SMOC2: variants seen among roughly 807,000 people sequenced by gnomAD.
The protein encoded by SMOC2 is SPARC related modular calcium binding 2.
SMOC2 carries 39 observed loss-of-function variants against 61.4 expected under a neutral mutation model. The observed-to-expected ratio is 0.64, with a 90% confidence interval of 0.49 to 0.83. SMOC2 has a LOEUF of 0.83. Ranked by LOEUF, SMOC2 falls within the 40% of genes least tolerant of loss-of-function variation. The pLI is 0.00. For missense variants in SMOC2, 556 were observed against 592.9 expected (o/e 0.94, Z 0.65); for synonymous variants, 247 against 239.9 (o/e 1.03, Z -0.27).
intron 7 of SMOC2, among the ~76,000 whole-genome samples, chr6:168,588,192 C>T (rs1266985013): frequency 3.4e-5 from 5 of 145,402 alleles, no homozygotes; most frequent in East Asian, 2.0e-4. Flanking sequence ...GGCATGATCT[C>T]GGCTCACTGT....
At chr6:168,505,202 T>C (rs1332079402) in intron 1 of SMOC2, among the ~76,000 whole-genome samples, 2 of 117,298 alleles carry the variant, frequency 1.7e-5, no homozygotes, top group African/African-American at 6.6e-5. Flanking sequence ...AGATGCTGGA[T>C]GAATGACTGA....
At chr6:168,580,480 A>G (rs1179289570) in intron 7 of SMOC2, among the ~76,000 whole-genome samples, 2 of 152,154 alleles carry the variant, frequency 1.3e-5, no homozygotes, top group African/African-American at 4.8e-5. Context: ...TGTGATCTTG[A>G]GGAAGACAGC....
intron 7 of SMOC2, among the ~76,000 whole-genome samples, chr6:168,559,711 T>C (rs552747970): frequency 3.5e-4 from 54 of 152,276 alleles, no homozygotes; most frequent in African/African-American, 1.3e-3. Flanking sequence ...AACCGCACCT[T>C]GTTCTATCAA....
chr6:168,592,388 C>G (rs370213600), intron 7 of SMOC2, among the ~76,000 whole-genome samples: 1,701 of 78,472 alleles, frequency 0.022, 17 homozygotes, highest in Admixed American at 0.029. Flanking sequence ...TCTAGAGGAT[C>G]TCCGAGCTCC....
intron 1 of SMOC2, among the ~76,000 whole-genome samples, chr6:168,500,270 G>T (rs1782692691): frequency 8.1e-6 from 1 of 123,724 alleles, no homozygotes; most frequent in Non-Finnish European, 1.6e-5. Context: ...CCGGATGACA[G>T]AGTGAAACTC....
intron 9 of SMOC2, among the ~76,000 whole-genome samples, chr6:168,619,267 C>T (rs1359500644): frequency 1.3e-5 from 2 of 152,094 alleles, no homozygotes; most frequent in Non-Finnish European, 1.5e-5. Flanking sequence ...GCCAGTTTAG[C>T]CTGCGTTACT....
intron 9 of SMOC2, among the ~76,000 whole-genome samples, chr6:168,615,871 C>T (rs1263581733): frequency 4.0e-5 from 6 of 150,816 alleles, no homozygotes; most frequent in East Asian, 1.9e-4. Flanking sequence ...TTTTCAGACA[C>T]GATTTTAGCA....
chr6:168,617,570 G>A (rs112689205), intron 9 of SMOC2, among the ~76,000 whole-genome samples: 5 of 152,286 alleles, frequency 3.3e-5, no homozygotes, highest in South Asian at 4.1e-4. Flanking sequence ...ACTCACATCC[G>A]CTTGGACAAG....
rs938545646 is a variant in SMOC2 at position 168,475,552 on chromosome 6, G to A, written c.84+34098G>A. On this transcript the variant is annotated intron_variant, in intron 1 of 12. Transcript: ENST00000356284. The surrounding 1 kb of genome is among the most constrained non-coding windows in gnomAD (Gnocchi z 4.6). ...CTGGGGAGAGGAGGCCATGGCCAGC[G>A]TTGCCTTGGGGGACAGGGCATGAAG... Among the ~76,000 whole-genome samples, 23 of 152,190 alleles carry A rather than the reference G, an allele frequency of 1.5e-4. No homozygotes were observed. The highest frequency in any genetic ancestry group is 3.9e-4 in the Admixed American group (6 of 15,302).
At chr6:168,556,204 G>C (rs1562345237) in intron 7 of SMOC2, among the ~76,000 whole-genome samples, 1 of 152,190 alleles carries the variant, frequency 6.6e-6, no homozygotes, top group Non-Finnish European at 1.5e-5. Flanking sequence ...CCAGCTCCGA[G>C]GGCGTCCGTG....
chr6:168,628,964 A>T (rs1411854501), intron 9 of SMOC2, among the ~76,000 whole-genome samples: 2 of 152,194 alleles, frequency 1.3e-5, no homozygotes, highest in African/African-American at 4.8e-5. Flanking sequence ...GGGGCCCGGG[A>T]CATGGGCTGC....
intron 7 of SMOC2, among the ~76,000 whole-genome samples, chr6:168,556,411 C>A (rs572379329): frequency 6.6e-6 from 1 of 152,272 alleles, no homozygotes; most frequent in South Asian, 2.1e-4. Flanking sequence ...CTGCGGCCCC[C>A]GCACCTCCCC....
intron 1 of SMOC2, among the ~76,000 whole-genome samples, chr6:168,499,437 G>A (rs909921691): frequency 6.6e-6 from 1 of 152,212 alleles, no homozygotes; most frequent in Non-Finnish European, 1.5e-5. Context: ...TATCAGTAAA[G>A]GTCGGAGTTT....
chr6:168,566,876 C>T (rs942764042), intron 7 of SMOC2, among the ~76,000 whole-genome samples: 2 of 152,114 alleles, frequency 1.3e-5, no homozygotes, highest in African/African-American at 4.8e-5. Context: ...ATACTTGAAA[C>T]ACACAGCAGT....
At chr6:168,505,197 CTGGATGAATGA>C (rs1782841445) in intron 1 of SMOC2, among the ~76,000 whole-genome samples, 1 of 118,678 alleles carries the variant, frequency 8.4e-6, no homozygotes, top group African/African-American at 3.3e-5. Flanking sequence ...CTCTCAGATG[CTGGATGAATGA>C]CTGAATGAAA....
At chr6:168,658,771 G>A (rs905861670) in intron 11 of SMOC2, among the ~76,000 whole-genome samples, 7 of 152,172 alleles carry the variant, frequency 4.6e-5, no homozygotes, top group African/African-American at 1.7e-4. Flanking sequence ...CAGCAGTTAA[G>A]AAGATGTTCT....
intron 1 of SMOC2, among the ~76,000 whole-genome samples, chr6:168,465,285 C>T (rs1056447621): frequency 9.2e-5 from 14 of 152,044 alleles, no homozygotes; most frequent in African/African-American, 3.4e-4. Flanking sequence ...CTTTTAAACC[C>T]TTGGTTATAG....
intron 1 of SMOC2, among the ~76,000 whole-genome samples, chr6:168,469,304 G>T (rs902619217): frequency 9.9e-5 from 15 of 152,212 alleles, no homozygotes; most frequent in African/African-American, 3.6e-4. Flanking sequence ...CCCCTGGAGG[G>T]TCTCAGATTC....
At chr6:168,530,903 C>T (rs1375911322) in intron 4 of SMOC2, among the ~76,000 whole-genome samples, 1 of 152,182 alleles carries the variant, frequency 6.6e-6, no homozygotes, top group East Asian at 1.9e-4. Context: ...AGCCTGGAAA[C>T]AGATCTGTGT....
Sources: allele counts gnomAD v4.1 joint callset (sites outside exome capture counted in the v4.1 genomes callset), GRCh38; gene constraint gnomAD v4.1.1; non-coding constraint Gnocchi (gnomAD v3.1); transcripts MANE v1.5; gene names NCBI Gene and HGNC (gene_info 2026-07-23, HGNC 2026-07-21).